The following GANAB variants were observed in gnomAD, a reference collection of about 807,000 sequenced individuals.
GANAB encodes neutral alpha-glucosidase AB.
Under a neutral mutation model 129.9 loss-of-function variants are expected in GANAB, and 35 were observed. The ratio of observed to expected loss-of-function variants is 0.27; its 90% CI spans 0.21 to 0.36. GANAB has a LOEUF of 0.36. Among genes scored for constraint, GANAB ranks in the 10% least tolerant of loss-of-function variants. GANAB has a pLI of 1.00. For missense variants in GANAB, 939 were observed against 1,221.0 expected (o/e 0.77, Z 3.44); for synonymous variants, 482 against 451.8 (o/e 1.07, Z -0.85).
At chr11:62,638,217 A>G (rs1450602437) in intron 4 of GANAB, among the ~76,000 whole-genome samples, 4 of 152,082 alleles carry the variant, frequency 2.6e-5, no homozygotes, top group Non-Finnish European at 4.4e-5. Flanking sequence ...GCAGTGACAC[A>G]ATCTCGGCTC....
In GANAB at chr11:62,633,211, T is replaced by G. The variant is rs201695901; in HGVS notation, c.691A>C (p.Lys231Gln). Reference protein sequence around the residue: ...DEPGAWEETFKTHSDSKPYGP... With the variant: ...DEPGAWEETFQTHSDSKPYGP... The stretch of plus-strand genomic sequence containing the variant: ...TACGGCTTGCTGTCAGAGTGAGTTT[T>G]GAATGTCTCCTCCCAGGCTCCTGGC... Residue 231 changes from lysine to glutamine, a missense_variant, in exon 7 of 24, where the codon AAA becomes CAA. Around this residue, in one of 5 missense-constraint regions of GANAB, gnomAD observed 321 missense variants for 329.1 expected, o/e 0.98. Coordinates refer to ENST00000356638, the MANE Select transcript of GANAB (RefSeq NM_198334.3). The G allele has an allele frequency of 4.0e-5, 65 of 1,614,142 alleles. No individual in the cohort carries two copies. In the African/African-American group the frequency reaches 7.3e-4, roughly 18 times the overall value.
rs764362724 is a variant in GANAB at position 62,629,606 on chromosome 11, C to T, written c.1816G>A (p.Ala606Thr). 18 of 1,608,400 alleles carry T rather than the reference C, an allele frequency of 1.1e-5. No individual in the cohort carries two copies. The highest frequency in any genetic ancestry group is 3.3e-5 in the South Asian group (3 of 90,660). The stretch of plus-strand genomic sequence containing the variant: ...ACCTTACCAAAGCGCTGGGAGCCAG[C>T]GAAGAAGGCCCTGGCCAGGACAAAG... ...RPFVLARAFF[A>T]GSQRFGAVWT... The change falls in exon 15 of 24, where the codon GCT becomes ACT. Residue 606 changes from alanine (A) to threonine (T), a missense_variant. Coordinates refer to ENST00000356638, the MANE Select transcript of GANAB (RefSeq NM_198334.3).
chr11:62,630,901 G>A (rs573456224), intron 10 of GANAB, 65 bp from the exon 11 acceptor site: 51 of 1,509,626 alleles, frequency 3.4e-5, no homozygotes, highest in Non-Finnish European at 2.7e-6. Context: ...AACTGAGGGA[G>A]GCTTGTGAAC....
At chr11:62,645,566 G>C (rs1404470226) in intron 1 of GANAB, among the ~76,000 whole-genome samples, 8 of 151,242 alleles carry the variant, frequency 5.3e-5, no homozygotes, top group Non-Finnish European at 1.0e-4. Context: ...CGTACAGTGA[G>C]TTAAATACCC....
chr11:62,632,857 C>G (rs997580011), intron 8 of GANAB, 112 bp from the exon 9 acceptor site: 6 of 1,063,078 alleles, frequency 5.6e-6, no homozygotes, highest in Non-Finnish European at 7.1e-6. Flanking sequence ...CTTGTCCTTT[C>G]TCAAAAAATT....
Position 62,628,975 on chromosome 11 carries a change from C to G in GANAB, c.1974G>C (p.Glu658Asp). ...VGGFFKNPEP[E>D]LLVRWYQMGA... Reference sequence around the variant, plus strand: ...CCATCTGGTACCAGCGCACAAGCAGCTCTGGCTCTGGGTTTTTGAAGAAGC... The same window carrying G: ...CCATCTGGTACCAGCGCACAAGCAGGTCTGGCTCTGGGTTTTTGAAGAAGC... The change falls in exon 17 of 24, where the codon GAG becomes GAC. Residue 658 changes from glutamate (E) to aspartate (D), a missense_variant. Physicochemically the swap from Glu to Asp is conservative, Grantham distance 45. This residue lies in a region of GANAB where 147 missense variants were observed against 282.4 expected (regional missense o/e 0.52). Transcript: ENST00000356638. 6.2e-7 allele frequency: 1 copy of G among 1,613,794 alleles called. No individual in the cohort carries two copies. Among genetic ancestry groups the G allele is most frequent in the Non-Finnish European group, 8.5e-7 (1 of 1,179,728 alleles).
chr11:62,638,627 GAAGGAAGGAAGGAAGGAAGC>G (rs1465000437), intron 4 of GANAB, among the ~76,000 whole-genome samples: 21 of 18,736 alleles, frequency 1.1e-3, no homozygotes, highest in African/African-American at 2.1e-3. Context: ...AGGAAGGAAG[GAAGGAAGGAAGGAAGGAAGC>G]AAGCAAACAA....
At chr11:62,630,985 C>G (rs1178997776) in intron 10 of GANAB, 45 bp downstream of exon 10, 3 of 1,572,310 alleles carry the variant, frequency 1.9e-6, no homozygotes, top group Non-Finnish European at 2.6e-6. Context: ...ATAGAATCAC[C>G]CGACAAGAAA....
In GANAB at chr11:62,639,438, G is replaced by C. The variant is rs753923125; in HGVS notation, c.173C>G (p.Ser58Cys). 10 of 1,613,692 alleles carry C rather than the reference G, an allele frequency of 6.2e-6. No homozygotes were observed. The highest frequency in any genetic ancestry group is 1.3e-5 in the African/African-American group (1 of 74,874). The change falls in exon 3 of 24, where the codon TCT (serine) becomes TGT (cysteine). Residue 58 changes from serine to cysteine, a missense_variant. Ser to Cys is a moderately radical substitution (Grantham distance 112). Transcript: ENST00000356638. Reference sequence around the variant, plus strand: ...AGAGTCCAGCAAGGCTCGGTATGGAGAGAGGCCTGGCCGTATGCTTCTCTG... The same window carrying C: ...AGAGTCCAGCAAGGCTCGGTATGGACAGAGGCCTGGCCGTATGCTTCTCTG... ...KRQRSIRPGL[S>C]PYRALLDSLQ...
chr11:62,636,970 A>T (rs1816052805), intron 4 of GANAB, among the ~76,000 whole-genome samples: 2 of 152,160 alleles, frequency 1.3e-5, no homozygotes, highest in South Asian at 4.1e-4. Flanking sequence ...TGGGGTAGAT[A>T]AAGACTAAAT....
At chr11:62,631,710 C>G (rs914599522) in intron 9 of GANAB, among the ~76,000 whole-genome samples, 1 of 152,014 alleles carries the variant, frequency 6.6e-6, no homozygotes, top group African/African-American at 2.4e-5. Flanking sequence ...ATCTGTCCAC[C>G]TCGCCCTCCC....
intron 17 of GANAB, among the ~76,000 whole-genome samples, chr11:62,628,341 C>T (rs201311349): frequency 1.3e-5 from 2 of 151,294 alleles, no homozygotes; most frequent in Admixed American, 6.6e-5. Context: ...CTCAGCCTCC[C>T]GAGTAGCTGG....
At position 62,632,627 on chromosome 11, in the gene GANAB, C is replaced by T; in HGVS notation, c.934G>A (p.Gly312Ser). Residue 312 changes from glycine to serine, a missense_variant, in exon 9 of 24, where the codon GGC becomes AGC. Physicochemically the swap from Gly to Ser is moderately conservative, Grantham distance 56. Coordinates refer to ENST00000356638, the MANE Select transcript of GANAB (RefSeq NM_198334.3). ...LLAHNPHRDL[G>S]IFWLNAAETW... Reference sequence around the variant, plus strand: ...TCTGCAGCATTGAGCCAGAAGATGCCCAAGTCGCGATGAGGGTTGTGTGCC... The same window carrying T: ...TCTGCAGCATTGAGCCAGAAGATGCTCAAGTCGCGATGAGGGTTGTGTGCC... The T allele has an allele frequency of 1.2e-6, 2 of 1,614,006 alleles. No individual in the cohort carries two copies. The highest frequency in any genetic ancestry group is 1.7e-6 in the Non-Finnish European group (2 of 1,179,958).
At position 62,629,802 on chromosome 11, in the gene GANAB, T is replaced by C; in HGVS notation, c.1737+12A>G. On this transcript the variant is annotated intron_variant, in intron 14 of 23. Transcript: ENST00000356638. The stretch of plus-strand genomic sequence containing the variant: ...CCCTCTTTCCACCAACTCTCCTCTC[T>C]CAGGCCCTTACCACATAAAGGCCAT... 1 of 1,614,090 alleles carries C rather than the reference T, an allele frequency of 6.2e-7. No individual in the cohort carries two copies. The highest frequency in any genetic ancestry group is 8.5e-7 in the Non-Finnish European group (1 of 1,179,960).
chr11:62,629,312 G>T lies in GANAB; in HGVS notation c.1835-17C>A, dbSNP rs750488672. ...ACACGGCTCCTGAGGAAGACAAGAA[G>T]TGGGGAGCTTGCACATGGTAAAGGA... is the stretch of plus-strand genomic sequence containing the variant. On this transcript the variant is annotated splice_polypyrimidine_tract_variant and intron_variant, in intron 15 of 23. Transcript: ENST00000356638. 2 of 1,548,848 alleles carry T rather than the reference G, an allele frequency of 1.3e-6. No homozygotes were observed. The highest frequency in any genetic ancestry group is 3.3e-5 in the Admixed American group (2 of 59,934).
Position 62,625,235 on chromosome 11 carries a change from TGA to T in GANAB, c.*578_*579del. ...AATCGGGGAGAGGAAAAGGGTAGAA[TGA>T]GAGGGAAAAGGATGTTCTTTAGCAA... On this transcript the variant is annotated 3_prime_UTR_variant, in exon 24 of 24. Coordinates refer to ENST00000356638, the MANE Select transcript of GANAB (RefSeq NM_198334.3). 1 of 454,880 alleles carries T rather than the reference TGA, an allele frequency of 2.2e-6. No individual in the cohort carries two copies. Among genetic ancestry groups the T allele is most frequent in the South Asian group, 1.6e-5 (1 of 64,492 alleles). The allele number at this position is 454,880 out of a possible 1,614,324, so 28.2% of individuals were successfully genotyped here.
At chr11:62,646,092 G>A (rs931147945) in intron 1 of GANAB, among the ~76,000 whole-genome samples, 1 of 152,176 alleles carries the variant, frequency 6.6e-6, no homozygotes, top group African/African-American at 2.4e-5. Context: ...AGGAGGATTC[G>A]GAGCTCTACA....
At position 62,625,001 on chromosome 11, in the gene GANAB, AC is replaced by A; in HGVS notation, c.*813del. ...CGAGCACACATGATCATCTCCCCCC[AC>A]CCTCAGGCTTCTCCTAGCAATAAAT... On this transcript the variant is annotated 3_prime_UTR_variant, in exon 24 of 24. Transcript: ENST00000356638. The A allele has an allele frequency of 1.3e-5, 1 of 79,904 alleles. No homozygotes were observed. Among genetic ancestry groups the A allele is most frequent in the Non-Finnish European group, 2.3e-5 (1 of 44,036 alleles). 4.9% of individuals were successfully genotyped at this position (79,904 alleles called of 1,614,324 possible).
Position 62,638,432 on chromosome 11 carries a change from G to A in GANAB, c.380+551C>T, listed in dbSNP as rs182831118. 3.5e-3 allele frequency among the ~76,000 whole-genome samples: 540 copies of A among 152,184 alleles called. 5 individuals carry two copies. Among genetic ancestry groups the A allele is most frequent in the Non-Finnish European group, 5.5e-3 (371 of 68,004 alleles). The stretch of plus-strand genomic sequence containing the variant: ...CTCCCAAAGTGCTGGGATTACAGGC[G>A]TTGAGCCACCATGCCCGGCCACTAT... On this transcript the variant is annotated intron_variant, in intron 4 of 23. Transcript: ENST00000356638.
Sources: allele counts gnomAD v4.1 joint callset (sites outside exome capture counted in the v4.1 genomes callset), GRCh38; gene constraint gnomAD v4.1.1; regional missense constraint gnomAD v4.1.1; transcripts MANE v1.5; gene names NCBI Gene and HGNC (gene_info 2026-07-23, HGNC 2026-07-21).